The following B3GLCT variants were observed in gnomAD, a reference collection of about 807,000 sequenced individuals.
B3GLCT encodes the protein beta 3-glucosyltransferase.
B3GLCT carries 65 observed loss-of-function variants against 63.4 expected under a neutral mutation model. The observed-to-expected ratio is 1.03, with a 90% CI of 0.84 to 1.26. The LOEUF (loss-of-function observed/expected upper bound fraction) is 1.26. Ranked by LOEUF, B3GLCT falls within the 50% of genes most tolerant of loss-of-function variation. B3GLCT has a pLI of 0.00. For synonymous variants in B3GLCT, 233 were observed against 219.2 expected (o/e 1.06, Z -0.55); for missense variants, 577 against 604.8 (o/e 0.95, Z 0.48).
intron 2 of B3GLCT, among the ~76,000 whole-genome samples, chr13:31,216,227 T>TA (rs1336354039): frequency 1.2e-4 from 19 of 152,222 alleles, no homozygotes; most frequent in Non-Finnish European, 2.8e-4. Context: ...ACTAATTTCT[T>TA]ACGATTTTAG....
At chr13:31,327,611 A>T (rs1326419486) in intron 14 of B3GLCT, among the ~76,000 whole-genome samples, 1 of 152,212 alleles carries the variant, frequency 6.6e-6, no homozygotes, top group Non-Finnish European at 1.5e-5. Flanking sequence ...ATCATTGTGG[A>T]ATTATCTTCT....
At chr13:31,301,588 C>T (rs544842509) in intron 12 of B3GLCT, among the ~76,000 whole-genome samples, 3 of 152,340 alleles carry the variant, frequency 2.0e-5, no homozygotes, top group South Asian at 2.1e-4. Context: ...TTCCCCTTTT[C>T]ATCCCCAGAT....
At chr13:31,219,453 A>G (rs1566045685) in intron 2 of B3GLCT, among the ~76,000 whole-genome samples, 1 of 152,224 alleles carries the variant, frequency 6.6e-6, no homozygotes, top group Non-Finnish European at 1.5e-5. Flanking sequence ...AATGAGGATC[A>G]TTTGTGACAC....
At position 31,323,760 on chromosome 13, in the gene B3GLCT, C is replaced by G; in HGVS notation, c.1194C>G (p.Phe398Leu). The change falls in exon 14 of 15, where the codon TTC (phenylalanine) becomes TTG (leucine). Residue 398 changes from phenylalanine (F) to leucine (L), a missense_variant. Transcript: ENST00000343307. Reference sequence around the variant, plus strand: ...CTCTGGCTCCCACTAGAATGGTCTTCAGCAGAGAAGCCGTCAGGAGACTTC... The same window carrying G: ...CTCTGGCTCCCACTAGAATGGTCTTGAGCAGAGAAGCCGTCAGGAGACTTC... ...SYITGGGGMV[F>L]SREAVRRLLA... The G allele has an allele frequency of 6.2e-7, 1 of 1,614,152 alleles. No individual in the cohort carries two copies. The highest frequency in any genetic ancestry group is 2.2e-5 in the East Asian group (1 of 44,876).
At chr13:31,263,014 G>A (rs1872115526) in intron 7 of B3GLCT, among the ~76,000 whole-genome samples, 1 of 152,190 alleles carries the variant, frequency 6.6e-6, no homozygotes, top group African/African-American at 2.4e-5. Flanking sequence ...GCCCTGTAAA[G>A]TGCTGTTAAG....
chr13:31,329,733 T>C lies in B3GLCT; in HGVS notation c.*65T>C. 6.4e-7 allele frequency: 1 copy of C among 1,563,284 alleles called. No homozygotes were observed. The highest frequency in any genetic ancestry group is 1.7e-5 in the Admixed American group (1 of 58,548). Reference sequence around the variant, plus strand: ...ACTGGAGACTGTGGCCTCATCCCACTGTGCTGTGCTCACAACACTTGTGTC... The same window carrying C: ...ACTGGAGACTGTGGCCTCATCCCACCGTGCTGTGCTCACAACACTTGTGTC... On this transcript the variant is annotated 3_prime_UTR_variant, in exon 15 of 15. Transcript: ENST00000343307.
chr13:31,327,680 G>A (rs1269275012), intron 14 of B3GLCT, among the ~76,000 whole-genome samples: 3 of 152,056 alleles, frequency 2.0e-5, no homozygotes, highest in Non-Finnish European at 4.4e-5. Flanking sequence ...ACTCTCAGAG[G>A]GCCTTGCAAA....
intron 3 of B3GLCT, among the ~76,000 whole-genome samples, chr13:31,224,235 C>G (rs947057209): frequency 6.6e-6 from 1 of 152,138 alleles, no homozygotes; most frequent in Non-Finnish European, 1.5e-5. Context: ...TATGGTTTAG[C>G]CACGCCTTTC....
In B3GLCT at chr13:31,222,926, C is replaced by A. The variant is rs767815041; in HGVS notation, c.121-26C>A. On this transcript the variant is annotated intron_variant, in intron 2 of 14. Transcript: ENST00000343307. ...GGCTTTGTTATGTACTGAGATTCAT[C>A]TTTTTCTCTTTCATTTAAAATACAG... 2.8e-6 allele frequency: 4 copies of A among 1,452,476 alleles called. No homozygotes were observed. The East Asian group carries it at 9.1e-5, about 33-fold the overall frequency. 90.0% of individuals were successfully genotyped at this position (1,452,476 alleles called of 1,614,324 possible). A position where few individuals can be genotyped will look rare whatever the true frequency, so the allele number is the denominator to read the frequency against.
chr13:31,319,397 C>CCAGCCTCCTAAACTT (rs1875216535), intron 13 of B3GLCT, among the ~76,000 whole-genome samples: 1 of 33,480 alleles, frequency 3.0e-5, no homozygotes, highest in Admixed American at 4.3e-4. Context: ...GTCATAAACT[C>CCAGCCTCCTAAACTT]CCAGCCTCCT....
In B3GLCT at chr13:31,329,851, A is replaced by G; in HGVS notation, c.*183A>G. The G allele has an allele frequency of 1.5e-6, 1 of 647,604 alleles. No homozygotes were observed. Among genetic ancestry groups the G allele is most frequent in the Non-Finnish European group, 2.6e-6 (1 of 380,782 alleles). 40.1% of individuals were successfully genotyped at this position (647,604 alleles called of 1,614,324 possible). On this transcript the variant is annotated 3_prime_UTR_variant, in exon 15 of 15. Coordinates refer to ENST00000343307, the MANE Select transcript of B3GLCT (RefSeq NM_194318.4). The stretch of plus-strand genomic sequence containing the variant: ...GAAGAAAAGGGGTCACAGGAGAAAC[A>G]TTTTTTTTTCTGGGAAAAATCACTT...
intron 12 of B3GLCT, among the ~76,000 whole-genome samples, chr13:31,296,224 A>G (rs1873935603): frequency 6.6e-6 from 1 of 152,192 alleles, no homozygotes; most frequent in Non-Finnish European, 1.5e-5. Context: ...CATTGATCTC[A>G]CTGGGAGCTG....
At chr13:31,312,905 G>A (rs1042100675) in intron 12 of B3GLCT, 1 of 152,174 alleles carries the variant, frequency 6.6e-6, no homozygotes, top group Non-Finnish European at 1.5e-5. Flanking sequence ...TTATTACGAG[G>A]CAGTCCTAGA....
At chr13:31,298,167 C>T (rs1035974479) in intron 12 of B3GLCT, among the ~76,000 whole-genome samples, 17 of 152,256 alleles carry the variant, frequency 1.1e-4, no homozygotes, top group African/African-American at 3.6e-4. Context: ...TGTCGGTATA[C>T]GTTAGCCTAC....
At chr13:31,306,568 C>T (rs1162204113) in intron 12 of B3GLCT, among the ~76,000 whole-genome samples, 1 of 109,796 alleles carries the variant, frequency 9.1e-6, no homozygotes, top group African/African-American at 3.8e-5. Context: ...CATGAGTGAA[C>T]TCCCATTCAC....
At chr13:31,302,047 C>T (rs1016601789) in intron 12 of B3GLCT, among the ~76,000 whole-genome samples, 1 of 152,118 alleles carries the variant, frequency 6.6e-6, no homozygotes, top group South Asian at 2.1e-4. Flanking sequence ...AAATTTCCAC[C>T]TCCCAGGATG....
intron 2 of B3GLCT, among the ~76,000 whole-genome samples, chr13:31,221,134 C>A (rs1869793129): frequency 6.6e-6 from 1 of 152,208 alleles, no homozygotes; most frequent in Non-Finnish European, 1.5e-5. Context: ...AATGATTTAT[C>A]TTTTCTGAGC....
chr13:31,266,334 T>A lies in B3GLCT; in HGVS notation c.597-2880T>A, dbSNP rs964623767. ...TGAGCCACCACACCCGGCCCAATAATTCTAAAAATTAGGAAAGCTAAGTAC... is the reference window on the plus strand; with the variant it reads ...TGAGCCACCACACCCGGCCCAATAAATCTAAAAATTAGGAAAGCTAAGTAC... On this transcript the variant is annotated intron_variant, in intron 7 of 14. Transcript: ENST00000343307. Among the ~76,000 whole-genome samples the A allele has an allele frequency of 2.6e-5, 4 of 152,106 alleles. No homozygotes were observed. In the East Asian group the frequency reaches 7.7e-4, roughly 29 times the overall value.
intron 4 of B3GLCT, among the ~76,000 whole-genome samples, chr13:31,233,010 C>T (rs1197969710): frequency 6.6e-6 from 1 of 152,236 alleles, no homozygotes; most frequent in East Asian, 1.9e-4. Flanking sequence ...CATGCACACA[C>T]ATGCTGTATT....
Sources: allele counts gnomAD v4.1 joint callset (sites outside exome capture counted in the v4.1 genomes callset), GRCh38; gene constraint gnomAD v4.1.1; transcripts MANE v1.5; gene names NCBI Gene and HGNC (gene_info 2026-07-23, HGNC 2026-07-21).